Variants in ATRX observed in about 807,000 individuals in gnomAD.
ATRX encodes ATRX chromatin remodeler.
ATRX carries 12 observed loss-of-function variants against 172.6 expected under a neutral mutation model. That is an observed-to-expected ratio of 0.07 (90% CI 0.04 to 0.11). The LOEUF is 0.11. ATRX is among the 10% of genes least tolerant of loss of function. The probability of loss-of-function intolerance (pLI) is 1.00; values close to 1 mark genes in which losing one functional copy is unlikely to be tolerated. For missense variants in ATRX, 1,368 were observed against 1,767.4 expected, an observed-to-expected ratio of 0.77 and a Z score of 4.05; for synonymous variants, 674 against 594.7, an observed-to-expected ratio of 1.13 and a Z score of -1.94.
intron 27 of ATRX, among the ~76,000 whole-genome samples, chrX:77,583,151 G>T (rs1019672910): frequency 9.0e-6 from 1 of 111,590 alleles, no homozygotes; most frequent in South Asian, 3.8e-4. Flanking sequence ...ACCAACTGGG[G>T]CTTATCTCCA....
intron 1 of ATRX, among the ~76,000 whole-genome samples, chrX:77,749,004 G>A (rs782748257): frequency 6.2e-4 from 69 of 111,140 alleles, no homozygotes; most frequent in African/African-American, 2.2e-3. Context: ...TGCAGATTTC[G>A]TACATGCATA....
At chrX:77,600,413 A>C (rs1557086525) in intron 23 of ATRX, 21 bp downstream of exon 23, 1 of 1,208,608 alleles carries the variant, frequency 8.3e-7, no homozygotes, top group African/African-American at 1.7e-5. Context: ...AGATGCTTTT[A>C]AACTAAGTTA....
At chrX:77,544,669 C>T (rs1405922601) in intron 30 of ATRX, among the ~76,000 whole-genome samples, 2 of 107,294 alleles carry the variant, frequency 1.9e-5, no homozygotes, top group African/African-American at 6.8e-5. Flanking sequence ...TATGCGGTGT[C>T]TGGTTTTTTG....
intron 16 of ATRX, among the ~76,000 whole-genome samples, chrX:77,635,415 T>C (rs1228332209): frequency 2.7e-5 from 3 of 112,026 alleles, no homozygotes; most frequent in African/African-American, 9.7e-5. Flanking sequence ...AATTTCATCA[T>C]CTTTTCCTTT....
intron 1 of ATRX, among the ~76,000 whole-genome samples, chrX:77,735,455 A>G: frequency 9.0e-6 from 1 of 110,705 alleles, no homozygotes; most frequent in Non-Finnish European, 1.9e-5. Context: ...TAGCCGGCAC[A>G]GTGACGGACG....
chrX:77,692,963 T>C (rs1195679663), intron 6 of ATRX, among the ~76,000 whole-genome samples: 1 of 109,120 alleles, frequency 9.2e-6, no homozygotes, highest in Non-Finnish European at 1.9e-5. Context: ...CACGGCTCAC[T>C]GCAGCCTCGA....
intron 9 of ATRX, among the ~76,000 whole-genome samples, chrX:77,678,806 T>G (rs1449359346): frequency 2.7e-5 from 3 of 111,157 alleles, no homozygotes; most frequent in African/African-American, 9.8e-5. Flanking sequence ...GTTACTTTTT[T>G]TAATGATTTC....
chrX:77,626,249 A>G (rs1280968706), intron 19 of ATRX, among the ~76,000 whole-genome samples: 1 of 106,740 alleles, frequency 9.4e-6, no homozygotes, highest in Non-Finnish European at 1.9e-5. Context: ...ACACAAAGGC[A>G]TAAGAATGAC....
At chrX:77,560,453 T>C (rs2064977017) in intron 28 of ATRX, among the ~76,000 whole-genome samples, 1 of 111,183 alleles carries the variant, frequency 9.0e-6, no homozygotes, top group Non-Finnish European at 1.9e-5. Context: ...TCATGCTTGG[T>C]AGCTGCATAG....
intron 1 of ATRX, among the ~76,000 whole-genome samples, chrX:77,723,627 T>C (rs1427345195): frequency 1.8e-5 from 2 of 111,689 alleles, no homozygotes; most frequent in African/African-American, 6.5e-5. Flanking sequence ...AAAAAATTTA[T>C]CATCAGGTCA....
At chrX:77,617,811 G>A (rs1557097643) in intron 21 of ATRX, among the ~76,000 whole-genome samples, 1 of 110,364 alleles carries the variant, frequency 9.1e-6, no homozygotes, top group Non-Finnish European at 1.9e-5. Context: ...TGAATTCCTG[G>A]GCTCAAGCAA....
chrX:77,764,896 T>C (rs1214560066), intron 1 of ATRX, among the ~76,000 whole-genome samples: 1 of 112,051 alleles, frequency 8.9e-6, no homozygotes, highest in Non-Finnish European at 1.9e-5. Context: ...CAAAAACAAC[T>C]GTGTTGGCAG....
intron 1 of ATRX, among the ~76,000 whole-genome samples, chrX:77,766,774 C>T (rs1344365391): frequency 4.3e-5 from 4 of 93,643 alleles, no homozygotes; most frequent in African/African-American, 1.2e-4. Flanking sequence ...ACATCCCAGA[C>T]GATGGGCGGC....
chrX:77,662,179 A>G (rs2069947368), intron 12 of ATRX, among the ~76,000 whole-genome samples: 1 of 111,297 alleles, frequency 9.0e-6, no homozygotes, highest in African/African-American at 3.3e-5. Context: ...TGGTGCTATA[A>G]TTTTTTTATA....
intron 27 of ATRX, among the ~76,000 whole-genome samples, chrX:77,578,756 G>A (rs1192293229): frequency 8.9e-6 from 1 of 112,344 alleles, no homozygotes; most frequent in Non-Finnish European, 1.9e-5. Flanking sequence ...TTTGAGAAAA[G>A]GAGAGGGAAG....
chrX:77,563,700 T>C (rs2065093515), intron 28 of ATRX, among the ~76,000 whole-genome samples: 2 of 59,247 alleles, frequency 3.4e-5, no homozygotes, highest in Admixed American at 5.0e-4. Context: ...TGTGTGTACA[T>C]GCGTGTGTGT....
chrX:77,687,641 G>A (rs1031104579), intron 7 of ATRX, among the ~76,000 whole-genome samples: 4 of 111,856 alleles, frequency 3.6e-5, no homozygotes, highest in Non-Finnish European at 7.5e-5. Context: ...AGCAATATTA[G>A]ATTCTACTGT....
chrX:77,756,790 AT>A (rs1200894988), intron 1 of ATRX, among the ~76,000 whole-genome samples: 182 of 99,603 alleles, frequency 1.8e-3, no homozygotes, highest in Admixed American at 2.0e-3. Flanking sequence ...TTCAGCCATC[AT>A]TTTTTTTTTT....
chrX:77,716,984 C>CTTTA (rs2073467843), intron 2 of ATRX, 147 bp downstream of exon 2: 2 of 479,260 alleles, frequency 4.2e-6, no homozygotes, highest in Non-Finnish European at 7.0e-6. Flanking sequence ...ATAGGGGCTT[C>CTTTA]TATAAAGCTT....
Sources: allele counts gnomAD v4.1 joint callset (sites outside exome capture counted in the v4.1 genomes callset), GRCh38; gene constraint gnomAD v4.1.1; transcripts MANE v1.5; gene names NCBI Gene and HGNC (gene_info 2026-07-23, HGNC 2026-07-21).